ACY3: variants seen among roughly 807,000 people sequenced by gnomAD.
ACY3 encodes N-acyl-aromatic-L-amino acid amidohydrolase (carboxylate-forming).
A neutral mutation model predicts 24.6 loss-of-function variants in ACY3; 20 were observed. That is an observed-to-expected ratio of 0.81 (90% confidence interval 0.57 to 1.18). The LOEUF (loss-of-function observed/expected upper bound fraction) is 1.18, where lower values mean the gene tolerates loss of function less well. ACY3 is among the 50% of genes most tolerant of loss of function. The pLI is 0.00. For missense variants in ACY3, 423 were observed against 426.8 expected (o/e 0.99, Z 0.08); for synonymous variants, 174 against 188.4 (o/e 0.92, Z 0.62).
rs747600781 is a variant in ACY3, at chr11:67,645,322, C to T, written c.491G>A (p.Ser164Asn). ...TTTGGCCACAGAGTCCAGGTTGTAG[C>T]TCTCCTCCCCAGACCGCTGGTACAG... ...VFLYQRSGEE[S>N]YNLDSVAKNG... Residue 164 changes from serine to asparagine, a missense_variant, in exon 5 of 8, where the codon AGC becomes AAC. By Grantham distance (46) the Ser-to-Asn change is conservative (BLOSUM62 1). Coordinates refer to ENST00000255082, the MANE Select transcript of ACY3 (RefSeq NM_080658.2). 3 of 1,613,740 alleles carry T rather than the reference C, an allele frequency of 1.9e-6. No homozygotes were observed. Among genetic ancestry groups the T allele is most frequent in the Non-Finnish European group, 2.5e-6 (3 of 1,180,010 alleles).
intron 7 of ACY3, among the ~76,000 whole-genome samples, chr11:67,644,034 T>C (rs150580338): frequency 3.2e-4 from 49 of 152,182 alleles, no homozygotes; most frequent in African/African-American, 1.2e-3. Flanking sequence ...TTTAAAATTG[T>C]AGGAGGAGCC....
intron 1 of ACY3, among the ~76,000 whole-genome samples, chr11:67,649,358 T>C (rs982321471): frequency 1.3e-4 from 20 of 152,280 alleles, no homozygotes; most frequent in Non-Finnish European, 2.6e-4. Flanking sequence ...GCCAGGGTGC[T>C]TCCTGCCACA....
rs778882427 is a variant in ACY3 at position 67,645,816 on chromosome 11, T to C, written c.308A>G (p.Lys103Arg). Reference protein sequence around the residue: ...ARELNQLLGPKASGQAFDFVL... With the variant: ...ARELNQLLGPRASGQAFDFVL... ...AAAGTCAAAGGCCTGGCCCGAGGCC[T>C]TGGGCCCCAGCAGCTGGTTCAGCTC... is the stretch of plus-strand genomic sequence containing the variant. The change falls in exon 4 of 8, where the codon AAG becomes AGG. Residue 103 changes from lysine (K) to arginine (R), a missense_variant. Coordinates refer to ENST00000255082, the MANE Select transcript of ACY3 (RefSeq NM_080658.2). 5.0e-6 allele frequency: 8 copies of C among 1,613,724 alleles called. No individual in the cohort carries two copies. The African/African-American group carries it at 1.1e-4, about 22-fold the overall frequency.
Position 67,642,950 on chromosome 11 carries a change from A to C in ACY3, c.745-11T>G. ...CTGGAAGTCTCGGTCCTGGGAGGAG[A>C]GCCAAAGGCCAAGATTGCTGGGGCC... On this transcript the variant is annotated splice_polypyrimidine_tract_variant and intron_variant, in intron 7 of 7. Transcript: ENST00000255082. 6.2e-7 allele frequency: 1 copy of C among 1,611,530 alleles called. No individual in the cohort carries two copies.
chr11:67,642,783 ACTT>A lies in ACY3; in HGVS notation c.898_900del (p.Lys300del). On this transcript the variant is annotated inframe_deletion, in exon 8 of 8. Transcript: ENST00000255082. ...GGCATGGCAGGCACGGTGAATGTGAACTTCTCAGTCTGGACAAAGGCAACGCCC... is the reference window on the plus strand; with the variant it reads ...GGCATGGCAGGCACGGTGAATGTGAACTCAGTCTGGACAAAGGCAACGCCC... 6.2e-7 allele frequency: 1 copy of A among 1,614,054 alleles called. No homozygotes were observed. Among genetic ancestry groups the A allele is most frequent in the African/African-American group, 1.3e-5 (1 of 75,018 alleles).
chr11:67,647,440 C>T (rs946436999), intron 2 of ACY3, 76 bp downstream of exon 2: 2 of 176,368 alleles, frequency 1.1e-5, no homozygotes, highest in Non-Finnish European at 2.4e-5. Context: ...GGGTTCTAGG[C>T]AACAGCCTCG....
chr11:67,650,188 C>T (rs1391320624), intron 1 of ACY3, among the ~76,000 whole-genome samples: 1 of 152,114 alleles, frequency 6.6e-6, no homozygotes, highest in African/African-American at 2.4e-5. Flanking sequence ...AATTTCCTCA[C>T]TGCAGTTGGG....
intron 7 of ACY3, 31 bp from the exon 8 acceptor site, chr11:67,642,970 G>T: frequency 1.2e-6 from 2 of 1,600,050 alleles, no homozygotes; most frequent in Non-Finnish European, 1.7e-6. Context: ...CAAGATTGCT[G>T]GGGCCACCTC....
At chr11:67,646,027 T>G (rs893008561) in intron 3 of ACY3, 140 bp from the exon 4 acceptor site, 11 of 805,300 alleles carry the variant, frequency 1.4e-5, no homozygotes, top group African/African-American at 1.7e-5. Context: ...GTTGTGGCTG[T>G]GTCCACCCCT....
At position 67,644,934 on chromosome 11, in the gene ACY3, G is replaced by A; in HGVS notation, c.635-65C>T. ...CAGGCTAGGGGACAGACTGGGCCGT[G>A]GGGGTACGTCAGGGCTAGATCCCAG... On this transcript the variant is annotated intron_variant, in intron 6 of 7. Transcript: ENST00000255082. The A allele has an allele frequency of 3.1e-6, 5 of 1,588,988 alleles. No homozygotes were observed. The South Asian group carries it at 3.3e-5, about 11-fold the overall frequency.
At chr11:67,647,928 C>T (rs1173118940) in intron 1 of ACY3, among the ~76,000 whole-genome samples, 2 of 152,244 alleles carry the variant, frequency 1.3e-5, no homozygotes, top group Admixed American at 1.3e-4. Context: ...ACCTTGATGG[C>T]CACCAAGATG....
chr11:67,645,632 G>T (rs1184642410), intron 4 of ACY3, 60 bp downstream of exon 4: 3 of 1,526,122 alleles, frequency 2.0e-6, no homozygotes, highest in African/African-American at 1.4e-5. Context: ...GCATTGTCCC[G>T]CCTGCCCTCC....
chr11:67,646,975 G>T lies in ACY3; in HGVS notation c.69C>A (p.Asn23Lys). The T allele has an allele frequency of 6.4e-7, 1 of 1,574,220 alleles. No homozygotes were observed. Among genetic ancestry groups the T allele is most frequent in the Non-Finnish European group, 8.6e-7 (1 of 1,159,328 alleles). The change falls in exon 3 of 8, where the codon AAC (asparagine) becomes AAA (lysine). Residue 23 changes from asparagine (N) to lysine (K), a missense_variant. Physicochemically the swap from Asn to Lys is moderately conservative, Grantham distance 94. Coordinates refer to ENST00000255082, the MANE Select transcript of ACY3 (RefSeq NM_080658.2). ...GGGCCAGGTAGACGCCCGACATCTCGTTGCCATGCGTGCCCCCAGTCACAG... is the reference window on the plus strand; with the variant it reads ...GGGCCAGGTAGACGCCCGACATCTCTTTGCCATGCGTGCCCCCAGTCACAG... The part of the protein sequence containing the change: ...RVAVTGGTHG[N>K]EMSGVYLARH...
At chr11:67,649,714 T>G (rs1056431274) in intron 1 of ACY3, among the ~76,000 whole-genome samples, 1 of 150,636 alleles carries the variant, frequency 6.6e-6, no homozygotes, top group African/African-American at 2.5e-5. Flanking sequence ...TGTACATGTG[T>G]GCGTGTGTGC....
At chr11:67,646,160 C>T (rs1176824908) in intron 3 of ACY3, among the ~76,000 whole-genome samples, 1 of 152,226 alleles carries the variant, frequency 6.6e-6, no homozygotes, top group Non-Finnish European at 1.5e-5. Flanking sequence ...ACTGCCTGAG[C>T]ACCATGCTGG....
intron 1 of ACY3, among the ~76,000 whole-genome samples, chr11:67,648,851 G>T (rs1855564824): frequency 6.6e-6 from 1 of 152,210 alleles, no homozygotes; most frequent in Non-Finnish European, 1.5e-5. Context: ...GGGCAGCTGG[G>T]ATCTTGACAG....
rs370530132 is a variant in ACY3 at position 67,644,865 on chromosome 11, C to T, written c.639G>A (p.Thr213=). 304 of 1,605,152 alleles carry T rather than the reference C, an allele frequency of 1.9e-4. No homozygotes were observed. The highest frequency in any genetic ancestry group is 2.4e-4 in the Non-Finnish European group (288 of 1,176,044). The stretch of plus-strand genomic sequence containing the variant: ...CTTCCATCTCAAAGGCAGGAAAGGC[C>T]GTACCTGTGTGGGAGGCTGGGTGTG... ...LDFIELFNQG[T]AFPAFEMEAY... is the part of the protein sequence containing the mutation. Residue 213 remains threonine (T), a synonymous_variant, in exon 7 of 8, where the codon ACG becomes ACA. Coordinates refer to ENST00000255082, the MANE Select transcript of ACY3 (RefSeq NM_080658.2).
chr11:67,647,782 C>T (rs1004724642), intron 1 of ACY3, among the ~76,000 whole-genome samples, 193 bp from the exon 2 acceptor site: 23 of 152,340 alleles, frequency 1.5e-4, no homozygotes, highest in Non-Finnish European at 1.5e-4. Flanking sequence ...AGTTCCTGCC[C>T]CTGCCCTTCG....
At position 67,645,738 on chromosome 11, in the gene ACY3, T is replaced by C; in HGVS notation, c.386A>G (p.Lys129Arg). Reference protein sequence around the residue: ...TANMGTCLIAKSSHEVFAMHL... With the variant: ...TANMGTCLIARSSHEVFAMHL... ...CATGGCAAAGACTTCGTGGGAGGAC[T>C]TCGCGATTAAGCAGGTGCCCATGTT... Residue 129 changes from lysine to arginine, a missense_variant, in exon 4 of 8, where the codon AAG (lysine) becomes AGG (arginine). Transcript: ENST00000255082. 6.2e-7 allele frequency: 1 copy of C among 1,613,296 alleles called. No individual in the cohort carries two copies. Among genetic ancestry groups the C allele is most frequent in the Non-Finnish European group, 8.5e-7 (1 of 1,179,840 alleles).
Sources: allele counts gnomAD v4.1 joint callset (sites outside exome capture counted in the v4.1 genomes callset), GRCh38; gene constraint gnomAD v4.1.1; transcripts MANE v1.5; gene names NCBI Gene and HGNC (gene_info 2026-07-23, HGNC 2026-07-21).